GARNL3: variants seen among roughly 807,000 people sequenced by gnomAD.
The protein encoded by GARNL3 is GTPase-activating Rap/Ran-GAP domain-like protein 3.
GARNL3 carries 63 observed loss-of-function variants against 125.0 expected under a neutral mutation model. That is an observed-to-expected ratio of 0.50 (90% CI 0.41 to 0.62). The LOEUF (loss-of-function observed/expected upper bound fraction) is 0.62, where lower values mean the gene tolerates loss of function less well. Among genes scored for constraint, GARNL3 ranks in the 20% least tolerant of loss-of-function variants. The pLI, the probability that GARNL3 is intolerant of heterozygous loss-of-function variation, is 0.00. For synonymous variants in GARNL3, 439 were observed against 457.5 expected (o/e 0.96, Z 0.52); for missense variants, 994 against 1,244.0 (o/e 0.80, Z 3.02).
Position 127,280,053 on chromosome 9 carries a change from C to T in GARNL3, c.145-11115C>T, listed in dbSNP as rs912274044. On this transcript the variant is annotated intron_variant, in intron 1 of 27. Transcript: ENST00000373387. This position sits in a 1 kb window ranked among gnomAD's most constrained non-coding sequence, Gnocchi z 4.5. ...CTCTAGAATTTATACATAACAGGGGCTTAGGAACTACCAGTAGCAGTCTGG... is the reference window on the plus strand; with the variant it reads ...CTCTAGAATTTATACATAACAGGGGTTTAGGAACTACCAGTAGCAGTCTGG... 6.6e-6 allele frequency among the ~76,000 whole-genome samples: 1 copy of T among 152,140 alleles called. No individual in the cohort carries two copies. Among genetic ancestry groups the T allele is most frequent in the Non-Finnish European group, 1.5e-5 (1 of 68,036 alleles).
intron 2 of GARNL3, among the ~76,000 whole-genome samples, chr9:127,296,534 C>T (rs577061820): frequency 3.5e-5 from 5 of 142,054 alleles, no homozygotes; most frequent in South Asian, 4.5e-4. Flanking sequence ...TGCAATGGCG[C>T]GATCTTGGCT....
chr9:127,355,359 C>T lies in GARNL3; in HGVS notation c.1822C>T (p.Arg608Trp), dbSNP rs145626536. 4 of 1,614,196 alleles carry T rather than the reference C, an allele frequency of 2.5e-6. No individual in the cohort carries two copies. The highest frequency in any genetic ancestry group is 2.5e-6 in the Non-Finnish European group (3 of 1,180,022). ...SRELRIVVAI[R>W]NKLLLITRKH... is the part of the protein sequence containing the mutation. ...AGAGCTGAGGATTGTGGTTGCAATT[C>T]GGAATAAACTGCTTCTGATCACAAG... is the stretch of plus-strand genomic sequence containing the variant. Residue 608 changes from arginine to tryptophan, a missense_variant, in exon 20 of 28, where the codon CGG (arginine) becomes TGG (tryptophan). Physicochemically the swap from Arg to Trp is moderately radical, Grantham distance 101. Around this residue, in one of 5 missense-constraint regions of GARNL3, gnomAD observed 728 missense variants for 865.7 expected, o/e 0.84. Transcript: ENST00000373387.
intron 22 of GARNL3, among the ~76,000 whole-genome samples, chr9:127,374,474 C>T (rs189935583): frequency 3.0e-4 from 45 of 152,240 alleles, no homozygotes; most frequent in African/African-American, 1.0e-3. Context: ...TTAGATATTG[C>T]ATCAAAAGCA....
At chr9:127,241,858 C>G (rs1331724781) in intron 1 of GARNL3, among the ~76,000 whole-genome samples, 1 of 152,180 alleles carries the variant, frequency 6.6e-6, no homozygotes, top group African/African-American at 2.4e-5. Context: ...ACCTCTACCT[C>G]CTGGGTTCAA....
At chr9:127,340,413 T>C (rs559823730) in intron 13 of GARNL3, among the ~76,000 whole-genome samples, 143 of 152,214 alleles carry the variant, frequency 9.4e-4, no homozygotes, top group Middle Eastern at 3.4e-3. Flanking sequence ...GTGTCATTGA[T>C]CAGAAACAAG....
chr9:127,393,113 T>C lies in GARNL3; in HGVS notation c.2901T>C (p.Ser967=). The C allele has an allele frequency of 1.2e-6, 2 of 1,607,292 alleles. No homozygotes were observed. The highest frequency in any genetic ancestry group is 8.5e-7 in the Non-Finnish European group (1 of 1,174,278). Residue 967 remains serine, a synonymous_variant, in exon 28 of 28, where the codon TCT becomes TCC. Coordinates refer to ENST00000373387, the MANE Select transcript of GARNL3 (RefSeq NM_032293.5). The part of the protein sequence containing the change: ...RIPSGSLESA[S]TSEANPEGHS... The stretch of plus-strand genomic sequence containing the variant: ...CATCAGGCTCCTTGGAAAGTGCTTC[T>C]ACTTCCGAAGCCAACCCTGAGGGGC...
intron 7 of GARNL3, among the ~76,000 whole-genome samples, chr9:127,325,420 C>T (rs779786675): frequency 6.6e-6 from 1 of 152,054 alleles, no homozygotes; most frequent in Non-Finnish European, 1.5e-5. Context: ...TATTAGGATG[C>T]TCTTAATATA....
chr9:127,268,125 G>C (rs1461855693), intron 1 of GARNL3, among the ~76,000 whole-genome samples: 1 of 152,200 alleles, frequency 6.6e-6, no homozygotes, highest in Non-Finnish European at 1.5e-5. Flanking sequence ...AAGTGACTGA[G>C]AGTCAGGGGA....
At chr9:127,378,300 T>G (rs924150238) in intron 22 of GARNL3, among the ~76,000 whole-genome samples, 5 of 147,282 alleles carry the variant, frequency 3.4e-5, no homozygotes, top group Admixed American at 2.7e-4. Context: ...ATCAAAAAGA[T>G]AAAGACGGCT....
chr9:127,249,837 GTC>G (rs2063368666), intron 2 of GARNL3, among the ~76,000 whole-genome samples: 1 of 151,898 alleles, frequency 6.6e-6, no homozygotes, highest in Admixed American at 6.6e-5. Context: ...GTGAAACCCC[GTC>G]TCTACTAAAA....
At chr9:127,389,427 G>T (rs998496914) in intron 26 of GARNL3, among the ~76,000 whole-genome samples, 1 of 152,156 alleles carries the variant, frequency 6.6e-6, no homozygotes, top group African/African-American at 2.4e-5. Context: ...ACCAATCTAT[G>T]TATGATTTCC....
At chr9:127,376,430 G>A (rs530471573) in intron 22 of GARNL3, among the ~76,000 whole-genome samples, 1 of 151,970 alleles carries the variant, frequency 6.6e-6, no homozygotes, top group Non-Finnish European at 1.5e-5. Context: ...GTGTTAGCCA[G>A]GATGGTCTCG....
intron 22 of GARNL3, chr9:127,366,806 C>G (rs904695848): frequency 6.6e-6 from 1 of 152,272 alleles, no homozygotes; most frequent in East Asian, 1.9e-4. Flanking sequence ...GCTCCTCACT[C>G]AGCGGCTCCT....
chr9:127,317,859 C>T (rs1405391473), intron 4 of GARNL3, among the ~76,000 whole-genome samples: 1 of 152,198 alleles, frequency 6.6e-6, no homozygotes, highest in Admixed American at 6.5e-5. Context: ...GAAATCCACA[C>T]ATGTTGGGGT....
intron 1 of GARNL3, chr9:127,225,419 A>G: frequency 2.1e-6 from 2 of 954,626 alleles, no homozygotes; most frequent in Non-Finnish European, 2.5e-6. Context: ...GCGGACGGGG[A>G]GGGGTGCGGC....
rs1270744732 is a variant in GARNL3 at position 127,342,275 on chromosome 9, C to T, written c.1192C>T (p.Arg398Cys). 6.2e-6 allele frequency: 10 copies of T among 1,613,960 alleles called. No individual in the cohort carries two copies. Among genetic ancestry groups the T allele is most frequent in the Admixed American group, 1.7e-5 (1 of 60,026 alleles). Residue 398 changes from arginine (R) to cysteine (C), a missense_variant, in exon 14 of 28, where the codon CGT becomes TGT. Arg to Cys is a radical substitution (Grantham distance 180). Coordinates refer to ENST00000373387, the MANE Select transcript of GARNL3 (RefSeq NM_032293.5). ...CCCAACATTTGCCCAGAAACGTCGG[C>T]GTACCCTGGATATGTTGATTAGATC... ...ETPTFAQKRR[R>C]TLDMLIRSLH...
At chr9:127,293,468 G>A (rs903400006) in intron 2 of GARNL3, among the ~76,000 whole-genome samples, 1 of 152,170 alleles carries the variant, frequency 6.6e-6, no homozygotes, top group Non-Finnish European at 1.5e-5. Context: ...ATTAGATCAT[G>A]TCTAGTTTGT....
upstream of GARNL3, chr9:127,263,622 T>C: frequency 1.0e-6 from 1 of 956,224 alleles, no homozygotes; most frequent in Non-Finnish European, 1.3e-6. Context: ...AGGGAAGGTT[T>C]TTATTCTTTT....
At chr9:127,367,269 A>G (rs989083943) in intron 22 of GARNL3, 1 of 152,238 alleles carries the variant, frequency 6.6e-6, no homozygotes, top group African/African-American at 2.4e-5. Flanking sequence ...TTGATCACAG[A>G]CGCCTGTACA....
Sources: allele counts gnomAD v4.1 joint callset (sites outside exome capture counted in the v4.1 genomes callset), GRCh38; gene constraint gnomAD v4.1.1; regional missense constraint gnomAD v4.1.1; non-coding constraint Gnocchi (gnomAD v3.1); transcripts MANE v1.5; gene names NCBI Gene and HGNC (gene_info 2026-07-23, HGNC 2026-07-21).